ERG: variants seen among roughly 807,000 people sequenced by gnomAD.
The protein encoded by ERG is transcriptional regulator ERG.
Under a neutral mutation model 55.3 loss-of-function variants are expected in ERG, and 9 were observed. That is an observed-to-expected ratio of 0.16 (90% CI 0.10 to 0.28). The LOEUF is 0.28. Ranked by LOEUF, ERG falls within the 10% of genes least tolerant of loss-of-function variation. The pLI, the probability that ERG is intolerant of heterozygous loss-of-function variation, is 1.00. For missense variants in ERG, 434 were observed against 631.6 expected, an observed-to-expected ratio of 0.69 and a Z score of 3.35; for synonymous variants, 223 against 237.3, an observed-to-expected ratio of 0.94 and a Z score of 0.55.
intron 1 of ERG, among the ~76,000 whole-genome samples, chr21:38,649,539 A>G (rs573073393): frequency 1.3e-5 from 2 of 152,214 alleles, no homozygotes; most frequent in Non-Finnish European, 2.9e-5. Flanking sequence ...ATATTTACAC[A>G]TGTTCACTGA....
intron 1 of ERG, among the ~76,000 whole-genome samples, chr21:38,479,891 G>A (rs1442844552): frequency 6.6e-6 from 1 of 152,194 alleles, no homozygotes; most frequent in African/African-American, 2.4e-5. Flanking sequence ...CACAGCATAT[G>A]ATCTTTTTCC....
intron 2 of ERG, among the ~76,000 whole-genome samples, chr21:38,567,491 CA>C (rs1464741615): frequency 4.6e-5 from 7 of 152,102 alleles, no homozygotes; most frequent in Non-Finnish European, 8.8e-5. Context: ...ATGTGCTAAC[CA>C]GGCTGGAAAC....
intron 2 of ERG, among the ~76,000 whole-genome samples, chr21:38,570,395 T>C (rs564118800): frequency 5.3e-5 from 8 of 152,346 alleles, no homozygotes; most frequent in Middle Eastern, 3.4e-3. Flanking sequence ...TGTATGTAAG[T>C]AGCATGTGCT....
intron 1 of ERG, chr21:38,471,228 G>A (rs2059136254): frequency 6.6e-6 from 1 of 152,144 alleles, no homozygotes; most frequent in Non-Finnish European, 1.5e-5. Flanking sequence ...CCACTTCTTG[G>A]TTCTCAACTA....
rs548528597 is a variant in ERG, at chr21:38,399,756, C to T, written c.745+818G>A. Among the ~76,000 whole-genome samples, 4 of 152,338 alleles carry T rather than the reference C, an allele frequency of 2.6e-5. No homozygotes were observed. The East Asian group carries it at 5.8e-4, about 22-fold the overall frequency. On this transcript the variant is annotated intron_variant, in intron 6 of 9. Coordinates refer to ENST00000288319, the MANE Select transcript of ERG (RefSeq NM_182918.4). ...GAGTTCCTCCCCACCCCTGCTCCTACGCCCTGTATTGCTAGAAGTGGTTCC... is the reference window on the plus strand; with the variant it reads ...GAGTTCCTCCCCACCCCTGCTCCTATGCCCTGTATTGCTAGAAGTGGTTCC...
At chr21:38,417,185 G>A (rs1183533355) in intron 3 of ERG, among the ~76,000 whole-genome samples, 1 of 152,222 alleles carries the variant, frequency 6.6e-6, no homozygotes, top group African/African-American at 2.4e-5. Flanking sequence ...GGAATAGAAA[G>A]GTCCTAGCAC....
At chr21:38,402,046 C>T (rs990871297) in intron 5 of ERG, among the ~76,000 whole-genome samples, 2 of 152,140 alleles carry the variant, frequency 1.3e-5, no homozygotes, top group Middle Eastern at 3.2e-3. Flanking sequence ...TTCCCTCCTG[C>T]CTTTTGCAAA....
At chr21:38,507,053 T>C in intron 2 of ERG, among the ~76,000 whole-genome samples, 1 of 151,910 alleles carries the variant, frequency 6.6e-6, no homozygotes, top group East Asian at 1.9e-4. Context: ...GGTCCCAGCT[T>C]CGCTGGGGTG....
At chr21:38,462,164 G>A (rs1462228783) in intron 1 of ERG, among the ~76,000 whole-genome samples, 1 of 152,056 alleles carries the variant, frequency 6.6e-6, no homozygotes, top group Non-Finnish European at 1.5e-5. Context: ...TGTATTTTTA[G>A]TAGAAACAGG....
At chr21:38,452,557 G>A (rs2058951813) in intron 1 of ERG, among the ~76,000 whole-genome samples, 1 of 152,140 alleles carries the variant, frequency 6.6e-6, no homozygotes, top group Non-Finnish European at 1.5e-5. Flanking sequence ...TTAATAGAAC[G>A]CTTTAGAGGA....
Position 38,382,591 on chromosome 21 carries a change from T to C in ERG, c.*812A>G. ...GACTGCATGAACCCTCGAGTCTCCATAACTCATTGTACACAGTCCCCAAAT... is the reference window on the plus strand; with the variant it reads ...GACTGCATGAACCCTCGAGTCTCCACAACTCATTGTACACAGTCCCCAAAT... On this transcript the variant is annotated 3_prime_UTR_variant, in exon 10 of 10. Coordinates refer to ENST00000288319, the MANE Select transcript of ERG (RefSeq NM_182918.4). 9.4e-7 allele frequency: 1 copy of C among 1,066,164 alleles called. No individual in the cohort carries two copies. The highest frequency in any genetic ancestry group is 1.1e-6 in the Non-Finnish European group (1 of 879,510). The allele number at this position is 1,066,164 out of a possible 1,614,324, so 66.0% of individuals were successfully genotyped here.
intron 1 of ERG, among the ~76,000 whole-genome samples, chr21:38,583,855 C>A (rs2060045406): frequency 6.6e-6 from 1 of 152,210 alleles, no homozygotes; most frequent in Non-Finnish European, 1.5e-5. Context: ...ACCACTTGGG[C>A]TGACACCTTG....
rs1988184520 is a variant in ERG at position 38,395,833 on chromosome 21, C to A, written c.746-3389G>T. Among the ~76,000 whole-genome samples, 3 of 152,190 alleles carry A rather than the reference C, an allele frequency of 2.0e-5. No individual in the cohort carries two copies. In the South Asian group the frequency reaches 6.2e-4, roughly 32 times the overall value. Reference sequence around the variant, plus strand: ...TAAATTAATACAACATTCTGGCTACCCTTTCCTGGAGGGCTAAGTTCAGCC... The same window carrying A: ...TAAATTAATACAACATTCTGGCTACACTTTCCTGGAGGGCTAAGTTCAGCC... On this transcript the variant is annotated intron_variant, in intron 6 of 9. Transcript: ENST00000288319.
intron 1 of ERG, among the ~76,000 whole-genome samples, chr21:38,578,319 T>C (rs544527877): frequency 6.6e-6 from 1 of 152,268 alleles, no homozygotes; most frequent in South Asian, 2.1e-4. Context: ...ACGGAGAAGA[T>C]AGAGGGTAAA....
In ERG at chr21:38,481,835, CAAAA is replaced by C. The variant is rs149814940; in HGVS notation, c.18+16524_18+16527del. On this transcript the variant is annotated intron_variant, in intron 1 of 9. Transcript: ENST00000288319. Reference sequence around the variant, plus strand: ...CATTTCAAAGAGGTGACTGTAGTAACAAAAGAAGAAAAATGAATAGTCCCTATCA... The same window carrying C: ...CATTTCAAAGAGGTGACTGTAGTAACGAAGAAAAATGAATAGTCCCTATCA... Among the ~76,000 whole-genome samples, 1,048 of 152,200 alleles carry C rather than the reference CAAAA, an allele frequency of 6.9e-3. 10 individuals are homozygous for C. Among genetic ancestry groups the C allele is most frequent in the African/African-American group, 0.024 (985 of 41,520 alleles).
chr21:38,389,115 G>A (rs1451566317), intron 9 of ERG, among the ~76,000 whole-genome samples: 1 of 152,148 alleles, frequency 6.6e-6, no homozygotes, highest in Non-Finnish European at 1.5e-5. Flanking sequence ...GGAAATCCTT[G>A]CTTTCTATTC....
At chr21:38,450,467 T>G (rs1271277606) in intron 1 of ERG, among the ~76,000 whole-genome samples, 1 of 152,212 alleles carries the variant, frequency 6.6e-6, no homozygotes, top group Non-Finnish European at 1.5e-5. Flanking sequence ...GATCATTCAC[T>G]TAGGAAGCCA....
intron 9 of ERG, among the ~76,000 whole-genome samples, chr21:38,387,681 C>A (rs1430640075): frequency 6.6e-6 from 1 of 152,090 alleles, no homozygotes. Flanking sequence ...CCAGGAAATG[C>A]CTAAAGAAAG....
At chr21:38,658,464 C>A (rs1042795621) in intron 1 of ERG, among the ~76,000 whole-genome samples, 2 of 152,124 alleles carry the variant, frequency 1.3e-5, no homozygotes, top group Non-Finnish European at 2.9e-5. Flanking sequence ...TCGGTTTTTG[C>A]CTGGGAATAG....
Sources: allele counts gnomAD v4.1 joint callset (sites outside exome capture counted in the v4.1 genomes callset), GRCh38; gene constraint gnomAD v4.1.1; transcripts MANE v1.5; gene names NCBI Gene and HGNC (gene_info 2026-07-23, HGNC 2026-07-21).